The following ASIC2 variants were observed in gnomAD, a reference collection of about 807,000 sequenced individuals.
The protein encoded by ASIC2 is acid sensing ion channel subunit 2.
In ASIC2, 25 loss-of-function variants were observed where a neutral mutation model predicts 57.3. The observed-to-expected ratio is 0.44, with a 90% confidence interval of 0.32 to 0.61. The LOEUF (loss-of-function observed/expected upper bound fraction) is 0.61. ASIC2 is among the 20% of genes least tolerant of loss of function. The pLI is 0.06. For missense variants in ASIC2, 641 were observed against 738.1 expected (o/e 0.87, Z 1.52); for synonymous variants, 319 against 307.5 (o/e 1.04, Z -0.39).
At chr17:33,041,038 G>A (rs1190181073) in intron 3 of ASIC2, among the ~76,000 whole-genome samples, 1 of 152,066 alleles carries the variant, frequency 6.6e-6, no homozygotes. Flanking sequence ...CTCTCAAGGG[G>A]CCCCTGTTTG....
chr17:33,877,321 A>T (rs1206346304), intron 1 of ASIC2, among the ~76,000 whole-genome samples: 3 of 152,218 alleles, frequency 2.0e-5, no homozygotes, highest in African/African-American at 7.2e-5. Flanking sequence ...AGGGCAAGGC[A>T]TCGCCTCGCC....
chr17:33,013,384 G>C lies in ASIC2; in HGVS notation c.*581C>G, dbSNP rs188674975. On this transcript the variant is annotated 3_prime_UTR_variant, in exon 10 of 10. Coordinates refer to ENST00000225823, the MANE Select transcript of ASIC2 (RefSeq NM_183377.2). ...TGTGCCGCCGTCATAGGCACTGGGG[G>C]GGAGGGAGGTTGGCGCGGGTCACCT... 934 of 153,054 alleles carry C rather than the reference G, an allele frequency of 6.1e-3. 2 individuals are homozygous for C. Among genetic ancestry groups the C allele is most frequent in the Non-Finnish European group, 0.01 (727 of 69,388 alleles). 9.5% of individuals were successfully genotyped at this position (153,054 alleles called of 1,614,324 possible). A position where few individuals can be genotyped will look rare whatever the true frequency, so the allele number is the denominator to read the frequency against.
At chr17:33,515,289 C>T (rs1270106461) in intron 1 of ASIC2, among the ~76,000 whole-genome samples, 2 of 152,192 alleles carry the variant, frequency 1.3e-5, no homozygotes, top group Non-Finnish European at 2.9e-5. Context: ...CCTGCCTAGT[C>T]TCTCCCAACC....
intron 1 of ASIC2, among the ~76,000 whole-genome samples, chr17:33,171,266 C>A (rs1053955799): frequency 6.6e-6 from 1 of 152,214 alleles, no homozygotes; most frequent in Admixed American, 6.5e-5. Context: ...AGTTGACTAG[C>A]AAATTCCTAT....
intron 2 of ASIC2, among the ~76,000 whole-genome samples, chr17:33,103,256 G>T (rs965840446): frequency 6.6e-6 from 1 of 152,072 alleles, no homozygotes; most frequent in East Asian, 1.9e-4. Flanking sequence ...AGGCGTATAT[G>T]GTGTCTAATA....
intron 1 of ASIC2, among the ~76,000 whole-genome samples, chr17:33,128,480 C>T (rs1399268445): frequency 6.6e-6 from 1 of 152,184 alleles, no homozygotes; most frequent in Non-Finnish European, 1.5e-5. Flanking sequence ...AAGAGGTTTA[C>T]TGGGCAGTGT....
At chr17:33,394,046 C>T (rs60279791) in intron 1 of ASIC2, among the ~76,000 whole-genome samples, 2,752 of 152,208 alleles carry the variant, frequency 0.018, 36 homozygotes, top group Middle Eastern at 0.027. Flanking sequence ...AAGTGAAACA[C>T]GCATAAAGAG....
intron 1 of ASIC2, among the ~76,000 whole-genome samples, chr17:33,759,705 A>T (rs1027422646): frequency 2.0e-5 from 3 of 152,046 alleles, no homozygotes. Flanking sequence ...TGCTCCCTTC[A>T]CCCCCATGCA....
At chr17:33,165,501 A>G (rs1304712790) in intron 1 of ASIC2, among the ~76,000 whole-genome samples, 1 of 151,956 alleles carries the variant, frequency 6.6e-6, no homozygotes, top group Admixed American at 6.6e-5. Flanking sequence ...GTATGCATAT[A>G]TTTGTGAATA....
chr17:33,975,100 C>T (rs1905339409), intron 1 of ASIC2, among the ~76,000 whole-genome samples: 1 of 152,192 alleles, frequency 6.6e-6, no homozygotes, highest in Non-Finnish European at 1.5e-5. Flanking sequence ...CAGGCACTCA[C>T]TAAATATTTG....
intron 1 of ASIC2, among the ~76,000 whole-genome samples, chr17:33,206,952 T>A (rs1948622143): frequency 6.6e-6 from 1 of 152,222 alleles, no homozygotes; most frequent in Non-Finnish European, 1.5e-5. Context: ...CTTCTGGCTC[T>A]GTCCCTTTCT....
intron 1 of ASIC2, among the ~76,000 whole-genome samples, chr17:33,267,238 C>A (rs1446750129): frequency 6.6e-6 from 1 of 152,112 alleles, no homozygotes; most frequent in East Asian, 1.9e-4. Context: ...CCCTTACCCC[C>A]CCCAGGAAGC....
chr17:34,123,264 C>T (rs1041107794), intron 1 of ASIC2, among the ~76,000 whole-genome samples: 6 of 152,112 alleles, frequency 3.9e-5, no homozygotes, highest in South Asian at 2.1e-4. Flanking sequence ...GGCAGGGCAA[C>T]GAAATGAAGC....
At chr17:33,777,386 G>A (rs550895112) in intron 1 of ASIC2, among the ~76,000 whole-genome samples, 2 of 152,334 alleles carry the variant, frequency 1.3e-5, no homozygotes, top group African/African-American at 4.8e-5. Flanking sequence ...TCATGATGAA[G>A]GCAGCCAGGA....
At chr17:33,863,905 T>G (rs571029423) in intron 1 of ASIC2, among the ~76,000 whole-genome samples, 1 of 64,278 alleles carries the variant, frequency 1.6e-5, no homozygotes, top group African/African-American at 5.4e-5. Flanking sequence ...TTTTTGTTTT[T>G]TTTTTTTTTG....
chr17:34,125,164 C>T (rs945206320), intron 1 of ASIC2, among the ~76,000 whole-genome samples: 4 of 151,964 alleles, frequency 2.6e-5, no homozygotes, highest in African/African-American at 9.7e-5. Flanking sequence ...CATGCCCTCA[C>T]CACAGTGCTA....
At chr17:33,630,765 C>G (rs1297411666) in intron 1 of ASIC2, among the ~76,000 whole-genome samples, 1 of 152,162 alleles carries the variant, frequency 6.6e-6, no homozygotes, top group Non-Finnish European at 1.5e-5. Context: ...TTCAGTCACA[C>G]TGCCTGGTCT....
intron 1 of ASIC2, among the ~76,000 whole-genome samples, chr17:33,858,928 C>T (rs1914034657): frequency 6.6e-6 from 1 of 152,206 alleles, no homozygotes; most frequent in South Asian, 2.1e-4. Context: ...TGGATTGACT[C>T]AGAAATTCCT....
At chr17:33,620,261 A>C (rs901732237) in intron 1 of ASIC2, among the ~76,000 whole-genome samples, 48 of 150,876 alleles carry the variant, frequency 3.2e-4, no homozygotes, top group Non-Finnish European at 5.3e-4. Flanking sequence ...AAAAAAAAAA[A>C]CACGTCCTGC....
Sources: allele counts gnomAD v4.1 joint callset (sites outside exome capture counted in the v4.1 genomes callset), GRCh38; gene constraint gnomAD v4.1.1; transcripts MANE v1.5; gene names NCBI Gene and HGNC (gene_info 2026-07-23, HGNC 2026-07-21).